Variants in SUCLG2 observed in about 807,000 individuals in gnomAD.
The protein encoded by SUCLG2 is succinate-CoA ligase GDP-forming subunit beta.
Under a neutral mutation model 47.9 loss-of-function variants are expected in SUCLG2, and 42 were observed. That is an observed-to-expected ratio of 0.88 (90% confidence interval 0.69 to 1.14). The LOEUF (loss-of-function observed/expected upper bound fraction) is 1.14. Ranked by LOEUF, SUCLG2 falls within the 50% of genes most tolerant of loss-of-function variation. The probability of loss-of-function intolerance (pLI) is 0.00; values close to 1 mark genes in which losing one functional copy is unlikely to be tolerated. For missense variants in SUCLG2, 571 were observed against 525.9 expected (o/e 1.09, Z -0.84); for synonymous variants, 195 against 197.3 (o/e 0.99, Z 0.10).
intron 2 of SUCLG2, among the ~76,000 whole-genome samples, chr3:67,543,464 C>G (rs1706773058): frequency 6.6e-6 from 1 of 152,026 alleles, no homozygotes; most frequent in African/African-American, 2.4e-5. Context: ...CCCAGGAGTT[C>G]GAGACAAGCC....
At chr3:67,568,757 G>T (rs1485556949) in intron 2 of SUCLG2, among the ~76,000 whole-genome samples, 2 of 152,118 alleles carry the variant, frequency 1.3e-5, no homozygotes, top group Admixed American at 1.3e-4. Flanking sequence ...CGTGGTAGCG[G>T]GCGCCTGTAG....
intron 10 of SUCLG2, among the ~76,000 whole-genome samples, chr3:67,396,091 C>A (rs1430844443): frequency 6.6e-6 from 1 of 151,920 alleles, no homozygotes; most frequent in Non-Finnish European, 1.5e-5. Context: ...AATTGACACC[C>A]TAACATCACA....
At chr3:67,584,229 C>T (rs1025095022) in intron 2 of SUCLG2, among the ~76,000 whole-genome samples, 1 of 152,120 alleles carries the variant, frequency 6.6e-6, no homozygotes, top group African/African-American at 2.4e-5. Context: ...AAAGAACAAA[C>T]TATTAATACA....
intron 7 of SUCLG2, among the ~76,000 whole-genome samples, chr3:67,504,368 A>C (rs1316000019): frequency 6.6e-6 from 1 of 152,188 alleles, no homozygotes; most frequent in Non-Finnish European, 1.5e-5. Context: ...ACAAGAAGCA[A>C]CGGGGTGGTT....
intron 9 of SUCLG2, among the ~76,000 whole-genome samples, chr3:67,461,941 G>A (rs951737664): frequency 2.0e-5 from 3 of 152,008 alleles, no homozygotes; most frequent in African/African-American, 7.3e-5. Context: ...TGCCAGCAAG[G>A]GGAGGTAAGG....
intron 1 of SUCLG2, among the ~76,000 whole-genome samples, chr3:67,619,844 A>AT (rs1451810930): frequency 1.3e-5 from 2 of 152,232 alleles, no homozygotes; most frequent in African/African-American, 4.8e-5. Context: ...TTAGCATATT[A>AT]GCACAACAGC....
chr3:67,551,170 G>A (rs1352241344), intron 2 of SUCLG2, among the ~76,000 whole-genome samples: 1 of 152,146 alleles, frequency 6.6e-6, no homozygotes, highest in South Asian at 2.1e-4. Flanking sequence ...TGGTTGATGA[G>A]ACAGTACAAA....
Position 67,601,325 on chromosome 3 carries a change from T to C in SUCLG2, c.226+8130A>G, listed in dbSNP as rs183010999. Among the ~76,000 whole-genome samples, 507 of 152,354 alleles carry C rather than the reference T, an allele frequency of 3.3e-3. 2 individuals carry two copies. The highest frequency in any genetic ancestry group is 0.012 in the African/African-American group (483 of 41,580). On this transcript the variant is annotated intron_variant, in intron 2 of 10. Transcript: ENST00000307227. ...AATGAGATTAGAAGATATTTTTTAC[T>C]TATTTTTTACTTTTTTGTAATTTTC...
chr3:67,578,726 G>C (rs1707808041), intron 2 of SUCLG2, among the ~76,000 whole-genome samples: 1 of 152,200 alleles, frequency 6.6e-6, no homozygotes, highest in Non-Finnish European at 1.5e-5. Flanking sequence ...GAAGGGTGGA[G>C]ATGAGGAAGA....
At chr3:67,535,440 G>A (rs1029521966) in intron 2 of SUCLG2, among the ~76,000 whole-genome samples, 1 of 152,066 alleles carries the variant, frequency 6.6e-6, no homozygotes, top group Non-Finnish European at 1.5e-5. Context: ...TTGCTGCCAA[G>A]TGCTACAGTT....
chr3:67,469,208 G>A (rs936248794), intron 9 of SUCLG2, among the ~76,000 whole-genome samples: 4 of 152,202 alleles, frequency 2.6e-5, no homozygotes, highest in East Asian at 3.9e-4. Context: ...GTTATAAGCT[G>A]TGGTAAGCAT....
chr3:67,428,867 T>C (rs1255511301), intron 9 of SUCLG2, among the ~76,000 whole-genome samples: 1 of 152,042 alleles, frequency 6.6e-6, no homozygotes, highest in Non-Finnish European at 1.5e-5. Flanking sequence ...GAAGATCAAA[T>C]GAATGAAATG....
chr3:67,497,847 T>C (rs953812500), intron 8 of SUCLG2, among the ~76,000 whole-genome samples: 5 of 152,146 alleles, frequency 3.3e-5, no homozygotes, highest in Admixed American at 6.6e-5. Context: ...TGGGGGTTGT[T>C]AGTAGTATCT....
intron 7 of SUCLG2, among the ~76,000 whole-genome samples, chr3:67,501,035 C>A (rs994311831): frequency 9.2e-5 from 14 of 152,124 alleles, no homozygotes; most frequent in Admixed American, 2.6e-4. Flanking sequence ...ACAATCTTGA[C>A]AGAACTTTGC....
At chr3:67,521,782 G>A (rs961199068) in intron 4 of SUCLG2, among the ~76,000 whole-genome samples, 2 of 151,628 alleles carry the variant, frequency 1.3e-5, no homozygotes, top group East Asian at 3.9e-4. Context: ...ACCATGCTTG[G>A]CTAATTTTTG....
chr3:67,469,902 G>C (rs1704562703), intron 9 of SUCLG2, among the ~76,000 whole-genome samples: 3 of 152,002 alleles, frequency 2.0e-5, no homozygotes, highest in Admixed American at 6.6e-5. Flanking sequence ...ATAATTAGCT[G>C]GGTGTGGTGG....
At chr3:67,488,167 T>C (rs1338366852) in intron 9 of SUCLG2, among the ~76,000 whole-genome samples, 1 of 152,082 alleles carries the variant, frequency 6.6e-6, no homozygotes, top group Non-Finnish European at 1.5e-5. Context: ...ATCTATTTTA[T>C]AATTTTCTCT....
intron 9 of SUCLG2, among the ~76,000 whole-genome samples, chr3:67,405,942 C>T (rs2106825555): frequency 1.3e-5 from 2 of 152,218 alleles, no homozygotes; most frequent in African/African-American, 4.8e-5. Context: ...AGGTGAAGAT[C>T]TGGGAGAATC....
At chr3:67,586,516 G>A (rs1183294744) in intron 2 of SUCLG2, among the ~76,000 whole-genome samples, 1 of 152,166 alleles carries the variant, frequency 6.6e-6, no homozygotes, top group Admixed American at 6.5e-5. Flanking sequence ...TCCTTAGGCA[G>A]TCAATTAATC....
Sources: gnomAD v4.1 joint callset for allele counts (sites outside exome capture counted in the v4.1 genomes callset) on GRCh38, gnomAD v4.1.1 for gene constraint, MANE v1.5 for transcripts, NCBI Gene and HGNC (gene_info 2026-07-23, HGNC 2026-07-21) for gene names.